Variants in SLC45A4 observed in about 807,000 individuals in gnomAD.
The protein encoded by SLC45A4 is polyamine-transporter SLC45A4.
SLC45A4 carries 32 observed loss-of-function variants against 63.7 expected under a neutral mutation model. The observed-to-expected ratio is 0.50, with a 90% CI of 0.38 to 0.67. SLC45A4 has a LOEUF of 0.67. SLC45A4 is among the 30% of genes least tolerant of loss of function. The pLI is 0.00. For synonymous variants in SLC45A4, 535 were observed against 510.0 expected (o/e 1.05, Z -0.66); for missense variants, 1,027 against 1,157.7 (o/e 0.89, Z 1.64).
intron 3 of SLC45A4, among the ~76,000 whole-genome samples, chr8:141,221,151 C>T (rs1589771306): frequency 6.6e-6 from 1 of 152,244 alleles, no homozygotes; most frequent in East Asian, 1.9e-4. Context: ...GCCCTCAAGG[C>T]AAAAACTATT....
chr8:141,278,013 A>T lies in SLC45A4; in HGVS notation c.-400-23384T>A, dbSNP rs1205514048. Among the ~76,000 whole-genome samples, 1 of 152,204 alleles carries T rather than the reference A, an allele frequency of 6.6e-6. No homozygotes were observed. The highest frequency in any genetic ancestry group is 1.5e-5 in the Non-Finnish European group (1 of 68,026). ...GACCTCAAATTCCTGGGCTCAAGCA[A>T]TCCTCCGGCCTCAGCCTCCCAAGCA... is the stretch of plus-strand genomic sequence containing the variant. On this transcript the variant is annotated intron_variant, in intron 1 of 8. Transcript: ENST00000517878. This position sits in a 1 kb window ranked among gnomAD's most constrained non-coding sequence, Gnocchi z 4.1.
intron 1 of SLC45A4, among the ~76,000 whole-genome samples, chr8:141,284,179 T>C (rs184003820): frequency 6.6e-6 from 1 of 152,208 alleles, no homozygotes; most frequent in Admixed American, 6.5e-5. Flanking sequence ...CAATCGTTCA[T>C]CTAGGTCAAC....
intron 1 of SLC45A4, among the ~76,000 whole-genome samples, chr8:141,296,814 T>G (rs1589864208): frequency 8.4e-6 from 1 of 119,080 alleles, no homozygotes; most frequent in Non-Finnish European, 1.6e-5. Context: ...CCAGCCTGGG[T>G]GACACAGCGA....
At position 141,254,122 on chromosome 8, in the gene SLC45A4, G is replaced by A. The variant is rs751215962; in HGVS notation, c.108C>T (p.Cys36=). Residue 36 remains cysteine (C), a synonymous_variant, in exon 2 of 9, where the codon TGC becomes TGT. Coordinates refer to ENST00000517878, the MANE Select transcript of SLC45A4 (RefSeq NM_001286646.2). This position sits in a 1 kb window ranked among gnomAD's most constrained non-coding sequence, Gnocchi z 4.5. ...QKAGGAEAEN[C]ETISEGSIDR... is the part of the protein sequence containing the mutation. ...CTATGGACCCCTCGCTGATGGTCTC[G>A]CAGTTCTCGGCCTCTGCGCCTCCGG... 5 of 1,536,042 alleles carry A rather than the reference G, an allele frequency of 3.3e-6. No homozygotes were observed. The highest frequency in any genetic ancestry group is 1.4e-5 in the African/African-American group (1 of 73,058).
chr8:141,281,891 G>A (rs987973720), intron 1 of SLC45A4, among the ~76,000 whole-genome samples: 2 of 144,488 alleles, frequency 1.4e-5, no homozygotes, highest in Non-Finnish European at 3.0e-5. Flanking sequence ...CAGAAAGCCA[G>A]TGAAAGCCTG....
rs371553546 is a variant in SLC45A4 at position 141,253,021 on chromosome 8, G to A, written c.241+968C>T. Among the ~76,000 whole-genome samples the A allele has an allele frequency of 2.7e-5, 4 of 146,948 alleles. No individual in the cohort carries two copies. In the East Asian group the frequency reaches 8.1e-4, roughly 30 times the overall value. On this transcript the variant is annotated intron_variant, in intron 2 of 8. Transcript: ENST00000517878. ...CACCTGTGCGTCTGTGAATTTCCGT[G>A]TTTTCACACCCACCTGTGTCTGTGA...
Position 141,218,507 on chromosome 8 carries a change from A to T in SLC45A4, c.1133T>A (p.Leu378Ter). The T allele has an allele frequency of 6.2e-7, 1 of 1,613,474 alleles. No individual in the cohort carries two copies. Among genetic ancestry groups the T allele is most frequent in the Non-Finnish European group, 8.5e-7 (1 of 1,179,956 alleles). Residue 378 changes from leucine (L) to a stop codon, truncating the protein, a stop_gained, in exon 5 of 9, where the codon TTG becomes TAG. Transcript: ENST00000517878. LOFTEE classifies it high-confidence loss of function. The stretch of plus-strand genomic sequence containing the variant: ...TCCGTTTGGGACTTTAGCTTCATTC[A>T]AGTGATTATCCAGCAAGGTCTCGTC... ...KEDETLLDNH[L>*]NEAKVPNGSG...
chr8:141,211,857 T>C, intron 8 of SLC45A4, 160 bp from the exon 9 acceptor site: 1 of 1,288,654 alleles, frequency 7.8e-7, no homozygotes, highest in Non-Finnish European at 9.9e-7. Flanking sequence ...ATTGTCTATA[T>C]AAATGTTTTA....
intron 1 of SLC45A4, among the ~76,000 whole-genome samples, chr8:141,263,904 C>G (rs1057433272): frequency 6.6e-6 from 1 of 152,074 alleles, no homozygotes; most frequent in Admixed American, 6.6e-5. Flanking sequence ...GGTGGAACTG[C>G]AGGGGACAGC....
Position 141,278,574 on chromosome 8 carries a change from C to T in SLC45A4, c.-400-23945G>A, listed in dbSNP as rs1374360229. Among the ~76,000 whole-genome samples the T allele has an allele frequency of 2.0e-5, 3 of 152,174 alleles. No individual in the cohort carries two copies. Among genetic ancestry groups the T allele is most frequent in the Non-Finnish European group, 2.9e-5 (2 of 68,030 alleles). On this transcript the variant is annotated intron_variant, in intron 1 of 8. Coordinates refer to ENST00000517878, the MANE Select transcript of SLC45A4 (RefSeq NM_001286646.2). The surrounding 1 kb of genome is among the most constrained non-coding windows in gnomAD (Gnocchi z 4.1). ...GTGAGCACCTGCAGTGGAGGTGGGG[C>T]GGGCAGCCGAAGGAGAGACAGGCCT...
At position 141,210,903 on chromosome 8, in the gene SLC45A4, G is replaced by A. The variant is rs927269540; in HGVS notation, c.*669C>T. On this transcript the variant is annotated 3_prime_UTR_variant, in exon 9 of 9. Transcript: ENST00000517878. ...GTGGTTTGGAAAACATTTCCAAATA[G>A]CTGCAGTACTTGCCCGAGTTTTGCT... 6.6e-6 allele frequency: 1 copy of A among 152,484 alleles called. No individual in the cohort carries two copies. The highest frequency in any genetic ancestry group is 2.4e-5 in the African/African-American group (1 of 41,466). 9.4% of individuals were successfully genotyped at this position (152,484 alleles called of 1,614,324 possible).
At position 141,246,335 on chromosome 8, in the gene SLC45A4, C is replaced by T. The variant is rs184080163; in HGVS notation, c.241+7654G>A. Among the ~76,000 whole-genome samples the T allele has an allele frequency of 6.6e-4, 100 of 152,322 alleles. No homozygotes were observed. The South Asian group carries it at 0.011, about 16-fold the overall frequency. On this transcript the variant is annotated intron_variant, in intron 2 of 8. Coordinates refer to ENST00000517878, the MANE Select transcript of SLC45A4 (RefSeq NM_001286646.2). ...GTGACGGCCACATACCTCCTGCGGC[C>T]GGGAATTCAGGCACAGCTCTGCGGG... is the stretch of plus-strand genomic sequence containing the variant.
intron 2 of SLC45A4, among the ~76,000 whole-genome samples, chr8:141,252,051 T>A (rs1242557729): frequency 1.4e-5 from 2 of 148,020 alleles, no homozygotes; most frequent in East Asian, 3.9e-4. Flanking sequence ...TCAACAAACA[T>A]CCCTAAAACA....
chr8:141,254,855 G>T lies in SLC45A4; in HGVS notation c.-400-226C>A. On this transcript the variant is annotated intron_variant, in intron 1 of 8. Coordinates refer to ENST00000517878, the MANE Select transcript of SLC45A4 (RefSeq NM_001286646.2). The surrounding 1 kb of genome is among the most constrained non-coding windows in gnomAD (Gnocchi z 4.5). ...TGAATCCTGGGGAAGGACAAAGGTG[G>T]GGCAATCAAGGAAAGCAGGATCAAA... is the stretch of plus-strand genomic sequence containing the variant. 1 of 438,540 alleles carries T rather than the reference G, an allele frequency of 2.3e-6. No homozygotes were observed. Among genetic ancestry groups the T allele is most frequent in the South Asian group, 1.9e-5 (1 of 53,298 alleles). The allele number at this position is 438,540 out of a possible 1,614,324, so 27.2% of individuals were successfully genotyped here.
Position 141,207,825 on chromosome 8 carries a change from G to A in SLC45A4, c.*3747C>T, listed in dbSNP as rs1225382945. 2.6e-5 allele frequency: 4 copies of A among 152,422 alleles called. 1 individual carries two copies. The East Asian group carries it at 5.8e-4, about 22-fold the overall frequency. 9.4% of individuals were successfully genotyped at this position (152,422 alleles called of 1,614,324 possible). A position where few individuals can be genotyped will look rare whatever the true frequency, so the allele number is the denominator to read the frequency against. ...GGTGATGGCTGGCTTTGCATGAGGA[G>A]GTGACAAGAACTTTGGGCTGGGCCC... is the stretch of plus-strand genomic sequence containing the variant. On this transcript the variant is annotated 3_prime_UTR_variant, in exon 9 of 9. Coordinates refer to ENST00000517878, the MANE Select transcript of SLC45A4 (RefSeq NM_001286646.2).
intron 1 of SLC45A4, among the ~76,000 whole-genome samples, chr8:141,282,620 C>T (rs540202382): frequency 2.0e-5 from 3 of 152,366 alleles, no homozygotes; most frequent in African/African-American, 4.8e-5. Flanking sequence ...ACTCTGCACT[C>T]GCCTCCCCTT....
intron 1 of SLC45A4, among the ~76,000 whole-genome samples, chr8:141,266,103 A>G (rs1209482887): frequency 6.6e-6 from 1 of 152,204 alleles, no homozygotes; most frequent in Non-Finnish European, 1.5e-5. Flanking sequence ...TTTCAGATCT[A>G]CAGCACAGTC....
At chr8:141,212,695 G>T in intron 7 of SLC45A4, 139 bp from the exon 8 acceptor site, 1 of 1,031,334 alleles carries the variant, frequency 9.7e-7, no homozygotes, top group Non-Finnish European at 1.4e-6. Flanking sequence ...ACTCCTGCCT[G>T]AGCACCCTCA....
intron 1 of SLC45A4, among the ~76,000 whole-genome samples, chr8:141,305,567 C>T (rs867408811): frequency 6.6e-6 from 1 of 152,244 alleles, no homozygotes; most frequent in African/African-American, 2.4e-5. Context: ...CACGACTCTG[C>T]CAGGGGTGTT....
Sources: allele counts gnomAD v4.1 joint callset (sites outside exome capture counted in the v4.1 genomes callset), GRCh38; gene constraint gnomAD v4.1.1; non-coding constraint Gnocchi (gnomAD v3.1); transcripts MANE v1.5; gene names NCBI Gene and HGNC (gene_info 2026-07-23, HGNC 2026-07-21).